The following LAMB3 variants were observed in gnomAD, a reference collection of about 807,000 sequenced individuals.
LAMB3 encodes laminin subunit beta 3, also known as laminin subunit beta-3.
Under a neutral mutation model 140.3 loss-of-function variants are expected in LAMB3, and 104 were observed. The ratio of observed to expected loss-of-function variants is 0.74; its 90% CI spans 0.63 to 0.87. The LOEUF (loss-of-function observed/expected upper bound fraction) is 0.87. Ranked by LOEUF, LAMB3 falls within the 40% of genes least tolerant of loss-of-function variation. The pLI, the probability that LAMB3 is intolerant of heterozygous loss-of-function variation, is 0.00. For missense variants in LAMB3, 1,531 were observed against 1,575.2 expected (o/e 0.97, Z 0.47); for synonymous variants, 592 against 602.9 (o/e 0.98, Z 0.26).
chr1:209,636,328 A>G (rs2282736), intron 5 of LAMB3, among the ~76,000 whole-genome samples: 5,100 of 152,216 alleles, frequency 0.034, 263 homozygotes, highest in East Asian at 0.25. Context: ...TTACATACCC[A>G]TAGTTATGAC....
chr1:209,641,541 A>T (rs185843846), intron 3 of LAMB3, among the ~76,000 whole-genome samples: 2 of 152,220 alleles, frequency 1.3e-5, no homozygotes, highest in African/African-American at 2.4e-5. Flanking sequence ...AAACTAGCTG[A>T]GTGGCAAAGA....
At chr1:209,618,877 G>A in intron 18 of LAMB3, 1 of 601,718 alleles carries the variant, frequency 1.7e-6, no homozygotes, top group East Asian at 2.8e-5. Context: ...GCTCCATGCT[G>A]CAGCAGGGAG....
chr1:209,627,580 CT>C lies in LAMB3; in HGVS notation c.1289-2del, dbSNP rs1182016169. 1 of 1,613,978 alleles carries C rather than the reference CT, an allele frequency of 6.2e-7. No homozygotes were observed. Among genetic ancestry groups the C allele is most frequent in the Non-Finnish European group, 8.5e-7 (1 of 1,180,000 alleles). On this transcript the variant is annotated splice_acceptor_variant, in intron 11 of 22. Coordinates refer to ENST00000356082, the MANE Select transcript of LAMB3 (RefSeq NM_000228.3). LOFTEE classifies it high-confidence loss of function. ...GACCCCAGGATGTTGCAGTCACAGCCTGCAGGAGGAGAGCTGCTGAGCTCAG... is the reference window on the plus strand; with the variant it reads ...GACCCCAGGATGTTGCAGTCACAGCCGCAGGAGGAGAGCTGCTGAGCTCAG...
intron 1 of LAMB3, 104 bp from the exon 2 acceptor site, chr1:209,651,085 T>C (rs895909321): frequency 2.5e-6 from 2 of 805,370 alleles, no homozygotes; most frequent in Admixed American, 1.9e-5. Flanking sequence ...CAGAAGTCTT[T>C]ACCTAGGGTC....
intron 3 of LAMB3, among the ~76,000 whole-genome samples, chr1:209,647,653 G>A (rs1230240225): frequency 6.6e-6 from 1 of 152,148 alleles, no homozygotes; most frequent in Non-Finnish European, 1.5e-5. Context: ...TGAAGGGAGA[G>A]GCAGTAGGAA....
chr1:209,647,790 C>A (rs2076531199), intron 3 of LAMB3, among the ~76,000 whole-genome samples: 2 of 152,166 alleles, frequency 1.3e-5, no homozygotes, highest in Non-Finnish European at 2.9e-5. Flanking sequence ...CAGCACACAA[C>A]CAAACCCTCC....
In LAMB3 at chr1:209,627,414, G is replaced by A. The variant is rs751474007; in HGVS notation, c.1454C>T (p.Pro485Leu). Reference protein sequence around the residue: ...GQGCEPCACDPHNSLSPQCNQ... With the variant: ...GQGCEPCACDLHNSLSPQCNQ... ...GCACTGTGGGCTGAGGGAGTTGTGC[G>A]GGTCGCAGGCACACGGTTCACAGCC... The change falls in exon 12 of 23, where the codon CCG becomes CTG. Residue 485 changes from proline to leucine, a missense_variant. By Grantham distance (98) the Pro-to-Leu change is moderately conservative. Transcript: ENST00000356082. 3.3e-5 allele frequency: 53 copies of A among 1,613,618 alleles called. No homozygotes were observed. Among genetic ancestry groups the A allele is most frequent in the Non-Finnish European group, 4.1e-5 (48 of 1,179,926 alleles).
chr1:209,630,962 C>T (rs964582759), intron 8 of LAMB3, among the ~76,000 whole-genome samples: 1 of 152,196 alleles, frequency 6.6e-6, no homozygotes, highest in Non-Finnish European at 1.5e-5. Flanking sequence ...TGCGTGTGCC[C>T]GCACTGCTCC....
In LAMB3 at chr1:209,638,648, A is replaced by T. The variant is rs753545651; in HGVS notation, c.184T>A (p.Trp62Arg). The T allele has an allele frequency of 6.2e-7, 1 of 1,602,082 alleles. No homozygotes were observed. Among genetic ancestry groups the T allele is most frequent in the Non-Finnish European group, 8.6e-7 (1 of 1,168,974 alleles). Residue 62 changes from tryptophan to arginine, a missense_variant and splice_region_variant, in exon 4 of 23, where the codon TGG becomes AGG. Transcript: ENST00000356082. ...TCACACTTGCAGCATTTCATCTGCC[A>T]CTGTGGGAGAGGGAGATAGCAGACA... ...PETYCTQYGE[W>R]QMKCCKCDSR...
At chr1:209,645,470 C>T (rs6658887) in intron 3 of LAMB3, among the ~76,000 whole-genome samples, 61,525 of 151,924 alleles carry the variant, frequency 0.4, 13,080 homozygotes, top group Middle Eastern at 0.52. Context: ...TAATCCAGCA[C>T]TTTGGGAGGC....
chr1:209,625,930 T>G lies in LAMB3; in HGVS notation c.1694A>C (p.Asp565Ala). Residue 565 changes from aspartate to alanine, a missense_variant, in exon 14 of 23, where the codon GAC (aspartate) becomes GCC (alanine). Physicochemically the swap from Asp to Ala is moderately radical, Grantham distance 126 (BLOSUM62 -2). Coordinates refer to ENST00000356082, the MANE Select transcript of LAMB3 (RefSeq NM_000228.3). ...ATTACAGTAGCCTCGCTGGCACTGGTCACAGCGGGGCCCGGTCAAGCCAGG... is the reference window on the plus strand; with the variant it reads ...ATTACAGTAGCCTCGCTGGCACTGGGCACAGCGGGGCCCGGTCAAGCCAGG... ...CRPGLTGPRC[D>A]QCQRGYCNRY... 6.2e-7 allele frequency: 1 copy of G among 1,613,744 alleles called. No homozygotes were observed. The highest frequency in any genetic ancestry group is 8.5e-7 in the Non-Finnish European group (1 of 1,179,872).
At position 209,617,996 on chromosome 1, in the gene LAMB3, G is replaced by T. The variant is rs2229467; in HGVS notation, c.2962C>A (p.Arg988=). 2.3e-4 allele frequency: 373 copies of T among 1,614,012 alleles called. No individual in the cohort carries two copies. The highest frequency in any genetic ancestry group is 3.0e-4 in the Non-Finnish European group (356 of 1,180,026). ...GQVEDVVGNL[R]QGTVALQEAQ... ...TCCTGCAGTGCCACTGTCCCCTGCC[G>T]CAGGTTCCCAACCACATCTTCCACC... The change falls in exon 20 of 23, where the codon CGG becomes AGG. Residue 988 remains arginine, a synonymous_variant. Coordinates refer to ENST00000356082, the MANE Select transcript of LAMB3 (RefSeq NM_000228.3).
chr1:209,618,686 A>G, intron 18 of LAMB3, 27 bp from the exon 19 acceptor site: 7 of 1,607,522 alleles, frequency 4.4e-6, no homozygotes, highest in African/African-American at 2.7e-5. Context: ...ATTTGACTGT[A>G]GGAGCCCACT....
rs188848652 is a variant in LAMB3 at position 209,640,808 on chromosome 1, G to A, written c.184-2160C>T. ...GAAAAATACCTAGCACAGGCCAGGC[G>A]CGGTGGCTCACGCCTATAATCCCAG... On this transcript the variant is annotated intron_variant, in intron 3 of 22. Transcript: ENST00000356082. Among the ~76,000 whole-genome samples, 468 of 152,140 alleles carry A rather than the reference G, an allele frequency of 3.1e-3. 3 individuals are homozygous for A. Among genetic ancestry groups the A allele is most frequent in the Middle Eastern group, 0.01 (3 of 294 alleles).
At chr1:209,615,481 C>A in intron 22 of LAMB3, 74 bp from the exon 23 acceptor site, 1 of 1,500,616 alleles carries the variant, frequency 6.7e-7, no homozygotes. Flanking sequence ...CCTTCCTTCC[C>A]CTCCTGCTAA....
chr1:209,632,770 C>T lies in LAMB3; in HGVS notation c.635G>A (p.Gly212Glu). 2 of 1,614,126 alleles carry T rather than the reference C, an allele frequency of 1.2e-6. No homozygotes were observed. Among genetic ancestry groups the T allele is most frequent in the Non-Finnish European group, 1.7e-6 (2 of 1,179,976 alleles). Residue 212 changes from glycine to glutamate, a missense_variant, in exon 8 of 23, where the codon GGG becomes GAG. Coordinates refer to ENST00000356082, the MANE Select transcript of LAMB3 (RefSeq NM_000228.3). Reference sequence around the variant, plus strand: ...ATTGACTCTCAAGTTTGTGATCTCCCCCACCTCTGAGAGGGCCAAACAGCA... The same window carrying T: ...ATTGACTCTCAAGTTTGTGATCTCCTCCACCTCTGAGAGGGCCAAACAGCA... ...ATQSQKIQEVGEITNLRVNFT... is the reference protein window; with the variant it reads ...ATQSQKIQEVEEITNLRVNFT...
intron 1 of LAMB3, chr1:209,651,272 C>T: frequency 2.4e-6 from 1 of 411,054 alleles, no homozygotes; most frequent in Non-Finnish European, 4.6e-6. Flanking sequence ...CCTGCCCTAC[C>T]CCACACAGCC....
Position 209,617,269 on chromosome 1 carries a change from G to T in LAMB3, c.3228+141C>A. 6 of 941,404 alleles carry T rather than the reference G, an allele frequency of 6.4e-6. 1 individual carries two copies. The highest frequency in any genetic ancestry group is 1.0e-5 in the Non-Finnish European group (6 of 592,964). 58.3% of individuals were successfully genotyped at this position (941,404 alleles called of 1,614,324 possible). A position where few individuals can be genotyped will look rare whatever the true frequency, so the allele number is the denominator to read the frequency against. The stretch of plus-strand genomic sequence containing the variant: ...AGAAATCAGATGCCTGGCCAGGTTT[G>T]GGTTGACTCTCAAGCCTCTTCTGGT... On this transcript the variant is annotated intron_variant, in intron 21 of 22. Transcript: ENST00000356082.
At chr1:209,622,480 A>G in intron 18 of LAMB3, 56 bp downstream of exon 18, 1 of 1,605,336 alleles carries the variant, frequency 6.2e-7, no homozygotes, top group East Asian at 2.2e-5. Context: ...GAACATGGGA[A>G]TGCGGGACAG....
Sources: allele counts gnomAD v4.1 joint callset (sites outside exome capture counted in the v4.1 genomes callset), GRCh38; gene constraint gnomAD v4.1.1; transcripts MANE v1.5; gene names NCBI Gene and HGNC (gene_info 2026-07-23, HGNC 2026-07-21).